Variants in KIF14 observed in about 807,000 individuals in gnomAD.
KIF14 encodes kinesin family member 14.
KIF14 carries 98 observed loss-of-function variants against 176.2 expected under a neutral mutation model. That is an observed-to-expected ratio of 0.56 (90% confidence interval 0.47 to 0.66). The LOEUF (loss-of-function observed/expected upper bound fraction) is 0.66, where lower values mean the gene tolerates loss of function less well. KIF14 is among the 30% of genes least tolerant of loss of function. The pLI, the probability that KIF14 is intolerant of heterozygous loss-of-function variation, is 0.00. For missense variants in KIF14, 1,751 were observed against 1,920.4 expected (o/e 0.91, Z 1.65); for synonymous variants, 566 against 632.2 (o/e 0.90, Z 1.57).
rs140593678 is a variant in KIF14 at position 200,595,026 on chromosome 1, A to AT, written c.2550-1258dup. 1.3e-3 allele frequency among the ~76,000 whole-genome samples: 195 copies of AT among 152,204 alleles called. 5 individuals are homozygous for AT. The East Asian group carries it at 0.035, about 27-fold the overall frequency. On this transcript the variant is annotated intron_variant, in intron 14 of 29. Coordinates refer to ENST00000367350, the MANE Select transcript of KIF14 (RefSeq NM_014875.3). ...CTGGCTTCAACCACCAACCTCCCTC[A>AT]TCTGCCACTATTTTCCCATAAGAAC...
chr1:200,573,070 C>T, intron 22 of KIF14, among the ~76,000 whole-genome samples: 1 of 152,152 alleles, frequency 6.6e-6, no homozygotes, highest in African/African-American at 2.4e-5. Context: ...TGCCCACCCA[C>T]CGTAATAGGA....
chr1:200,592,808 C>T (rs184033588), intron 15 of KIF14, among the ~76,000 whole-genome samples: 54 of 152,304 alleles, frequency 3.5e-4, no homozygotes, highest in Admixed American at 1.8e-3. Flanking sequence ...CTACTACACA[C>T]TTAGGCTATA....
intron 26 of KIF14, 104 bp downstream of exon 26, chr1:200,560,618 T>G: frequency 8.1e-7 from 1 of 1,230,260 alleles, no homozygotes; most frequent in Admixed American, 2.1e-5. Flanking sequence ...GTACAAGCTA[T>G]TTTGAAAACT....
chr1:200,605,007 C>T (rs1213415226), intron 8 of KIF14, among the ~76,000 whole-genome samples: 1 of 151,918 alleles, frequency 6.6e-6, no homozygotes, highest in Non-Finnish European at 1.5e-5. Context: ...TGGTCATTGA[C>T]CAAAAGTCAT....
intron 25 of KIF14, among the ~76,000 whole-genome samples, chr1:200,563,537 AT>A (rs544729818): frequency 2.6e-5 from 4 of 151,532 alleles, no homozygotes; most frequent in African/African-American, 9.7e-5. Flanking sequence ...CAGCTGGCTG[AT>A]TTTTTTTATG....
chr1:200,585,154 G>T (rs1387740186), intron 19 of KIF14, among the ~76,000 whole-genome samples: 2 of 151,352 alleles, frequency 1.3e-5, no homozygotes, highest in Admixed American at 6.6e-5. Context: ...CACTCTGGAG[G>T]TCTAATGAAC....
chr1:200,617,378 A>G lies in KIF14; in HGVS notation c.1112+234T>C, dbSNP rs1402305124. 2.0e-5 allele frequency among the ~76,000 whole-genome samples: 3 copies of G among 152,260 alleles called. No homozygotes were observed. In the East Asian group the frequency reaches 5.8e-4, roughly 29 times the overall value. Reference sequence around the variant, plus strand: ...CTTATTCAGACTTTTTAAAAGCAATATATCTAGAGAAACTTCAATATACAA... The same window carrying G: ...CTTATTCAGACTTTTTAAAAGCAATGTATCTAGAGAAACTTCAATATACAA... On this transcript the variant is annotated intron_variant, in intron 2 of 29. Transcript: ENST00000367350.
chr1:200,604,963 A>T (rs1264100420), intron 8 of KIF14, among the ~76,000 whole-genome samples: 1 of 152,160 alleles, frequency 6.6e-6, no homozygotes, highest in African/African-American at 2.4e-5. Context: ...ATTGATTTAA[A>T]AATCTGGTAA....
intron 21 of KIF14, among the ~76,000 whole-genome samples, chr1:200,577,421 G>A (rs528590717): frequency 5.3e-5 from 8 of 152,152 alleles, no homozygotes; most frequent in African/African-American, 1.7e-4. Flanking sequence ...GCCTCCCAAA[G>A]TGTTGAGATT....
chr1:200,570,047 A>G (rs1344372408), intron 22 of KIF14, 42 bp from the exon 23 acceptor site: 1 of 856,134 alleles, frequency 1.2e-6, no homozygotes. Flanking sequence ...TCTATACCAC[A>G]TGGAATAATA....
At chr1:200,585,402 A>T (rs560370464) in intron 19 of KIF14, among the ~76,000 whole-genome samples, 3 of 152,314 alleles carry the variant, frequency 2.0e-5, no homozygotes, top group African/African-American at 7.2e-5. Context: ...AAATCTCTTA[A>T]GAAAAAAATG....
intron 19 of KIF14, among the ~76,000 whole-genome samples, chr1:200,582,020 T>G (rs1658489719): frequency 6.6e-6 from 1 of 152,106 alleles, no homozygotes; most frequent in African/African-American, 2.4e-5. Flanking sequence ...TCTACCTGCC[T>G]CAGCCTTCCA....
At chr1:200,583,231 A>T (rs185023426) in intron 19 of KIF14, among the ~76,000 whole-genome samples, 5 of 151,056 alleles carry the variant, frequency 3.3e-5, no homozygotes, top group South Asian at 2.1e-4. Flanking sequence ...TTTTTTTTTT[A>T]AAAAAAGGAT....
Position 200,618,056 on chromosome 1 carries a change from G to T in KIF14, c.668C>A (p.Ser223Tyr). 1 of 1,614,112 alleles carries T rather than the reference G, an allele frequency of 6.2e-7. No homozygotes were observed. The highest frequency in any genetic ancestry group is 8.5e-7 in the Non-Finnish European group (1 of 1,179,998). The change falls in exon 2 of 30, where the codon TCC becomes TAC. Residue 223 changes from serine to tyrosine, a missense_variant. Transcript: ENST00000367350. ...KYSSNRPPIA[S>Y]LSQTEVVRSG... ...TCTAACAACTTCAGTCTGACTCAGGGAAGCAATGGGTGGTCTATTACTTGA... is the reference window on the plus strand; with the variant it reads ...TCTAACAACTTCAGTCTGACTCAGGTAAGCAATGGGTGGTCTATTACTTGA...
Position 200,602,183 on chromosome 1 carries a change from T to C in KIF14, c.1980-115A>G, listed in dbSNP as rs1350012265. On this transcript the variant is annotated intron_variant, in intron 10 of 29. Coordinates refer to ENST00000367350, the MANE Select transcript of KIF14 (RefSeq NM_014875.3). ...ATAATACAGTATTATTATACTCTAC[T>C]CAAATACCATTTAAAACTTTTCTGG... 4 of 749,506 alleles carry C rather than the reference T, an allele frequency of 5.3e-6. No individual in the cohort carries two copies. In the South Asian group the frequency reaches 6.8e-5, roughly 13 times the overall value. The allele number at this position is 749,506 out of a possible 1,614,324, so 46.4% of individuals were successfully genotyped here. A position where few individuals can be genotyped will look rare whatever the true frequency, so the allele number is the denominator to read the frequency against.
chr1:200,569,881 G>A lies in KIF14; in HGVS notation c.3661+30C>T, dbSNP rs765649055. The A allele has an allele frequency of 4.5e-5, 55 of 1,225,958 alleles. 1 individual carries two copies. Among genetic ancestry groups the A allele is most frequent in the Non-Finnish European group, 5.2e-5 (44 of 847,472 alleles). 75.9% of individuals were successfully genotyped at this position (1,225,958 alleles called of 1,614,324 possible). A position where few individuals can be genotyped will look rare whatever the true frequency, so the allele number is the denominator to read the frequency against. On this transcript the variant is annotated intron_variant, in intron 23 of 29. Coordinates refer to ENST00000367350, the MANE Select transcript of KIF14 (RefSeq NM_014875.3). ...AGAACCAGGACTCAATGCTTTTCTC[G>A]CCATAGAGAAAATGTGAAGAAAAAA...
In KIF14 at chr1:200,565,218, TAGTA is replaced by T. The variant is rs1447711230; in HGVS notation, c.3918_3921del (p.Thr1307PhefsTer10). The T allele has an allele frequency of 6.2e-7, 1 of 1,611,138 alleles. No individual in the cohort carries two copies. Among genetic ancestry groups the T allele is most frequent in the Non-Finnish European group, 8.5e-7 (1 of 1,179,364 alleles). On this transcript the variant is annotated frameshift_variant, in exon 25 of 30. Transcript: ENST00000367350. LOFTEE classifies it high-confidence loss of function. Reference sequence around the variant, plus strand: ...TGCTCAAAAGCACATGCAGTCTGAATAGTAAGTGACTGGATTGCTCGATCAGAAG... The same window carrying T: ...TGCTCAAAAGCACATGCAGTCTGAATAGTGACTGGATTGCTCGATCAGAAG...
At chr1:200,603,014 G>A (rs1388228367) in intron 10 of KIF14, among the ~76,000 whole-genome samples, 2 of 152,126 alleles carry the variant, frequency 1.3e-5, no homozygotes, top group Non-Finnish European at 2.9e-5. Context: ...TTTTACAGAT[G>A]AGGAAACGGG....
At chr1:200,589,584 C>T (rs1446718271) in intron 17 of KIF14, among the ~76,000 whole-genome samples, 1 of 151,216 alleles carries the variant, frequency 6.6e-6, no homozygotes, top group African/African-American at 2.4e-5. Context: ...ACCATGGAGA[C>T]AGCCATGACT....
Sources: allele counts gnomAD v4.1 joint callset (sites outside exome capture counted in the v4.1 genomes callset), GRCh38; gene constraint gnomAD v4.1.1; transcripts MANE v1.5; gene names NCBI Gene and HGNC (gene_info 2026-07-23, HGNC 2026-07-21).